The following LEMD1 variants were observed in gnomAD, a reference collection of about 807,000 sequenced individuals.
LEMD1 encodes LEM domain containing 1.
A neutral mutation model predicts 17.4 loss-of-function variants in LEMD1; 18 were observed. That is an observed-to-expected ratio of 1.04 (90% CI 0.72 to 1.54). The LOEUF (loss-of-function observed/expected upper bound fraction) is 1.54, where lower values mean the gene tolerates loss of function less well. LEMD1 is among the 40% of genes most tolerant of loss of function. The pLI is 0.00. For synonymous variants in LEMD1, 88 were observed against 77.8 expected, an observed-to-expected ratio of 1.13 and a Z score of -0.69; for missense variants, 195 against 210.4, an observed-to-expected ratio of 0.93 and a Z score of 0.45.
chr1:205,428,046 G>A (rs1444685798), intron 1 of LEMD1, among the ~76,000 whole-genome samples: 1 of 152,258 alleles, frequency 6.6e-6, no homozygotes, highest in African/African-American at 2.4e-5. Context: ...CAGAGGGCCA[G>A]ACAGCCAAGG....
At chr1:205,396,987 C>T (rs1664619398) in intron 4 of LEMD1, among the ~76,000 whole-genome samples, 1 of 152,046 alleles carries the variant, frequency 6.6e-6, no homozygotes, top group Admixed American at 6.6e-5. Context: ...TTTTTTCCTC[C>T]CCACTTGGGC....
At chr1:205,443,552 C>T (rs1234231181) in intron 1 of LEMD1, among the ~76,000 whole-genome samples, 1 of 152,134 alleles carries the variant, frequency 6.6e-6, no homozygotes, top group Middle Eastern at 3.2e-3. Flanking sequence ...GCCTGGCTCC[C>T]GAGAGGTGTT....
chr1:205,438,861 C>T (rs532354628), intron 1 of LEMD1, among the ~76,000 whole-genome samples: 1 of 152,264 alleles, frequency 6.6e-6, no homozygotes, highest in South Asian at 2.1e-4. Flanking sequence ...ACTGCCAAAC[C>T]CCTGCAGCTG....
intron 1 of LEMD1, among the ~76,000 whole-genome samples, chr1:205,427,389 C>T (rs1666071206): frequency 6.6e-6 from 1 of 151,942 alleles, no homozygotes; most frequent in East Asian, 1.9e-4. Context: ...CATTTGATAT[C>T]ATAGCTCACC....
At chr1:205,436,681 T>A (rs1666213063) in intron 1 of LEMD1, 2 of 152,214 alleles carry the variant, frequency 1.3e-5, no homozygotes, top group Admixed American at 1.3e-4. Flanking sequence ...GAACAGATTC[T>A]GTTTCTTGGT....
At chr1:205,431,702 G>T (rs1348359825) in intron 1 of LEMD1, among the ~76,000 whole-genome samples, 1 of 151,922 alleles carries the variant, frequency 6.6e-6, no homozygotes, top group Non-Finnish European at 1.5e-5. Context: ...AGAACAACAC[G>T]GAAGCTTTTT....
At position 205,406,739 on chromosome 1, in the gene LEMD1, C is replaced by T. The variant is rs561023354; in HGVS notation, c.270+9493G>A. Among the ~76,000 whole-genome samples the T allele has an allele frequency of 2.0e-5, 3 of 152,314 alleles. No individual in the cohort carries two copies. The East Asian group carries it at 5.8e-4, about 29-fold the overall frequency. ...TGTCCTGCGCCCACTGTCTGACACT[C>T]CCCAGTGAGATGAACCTGGTACCTC... is the stretch of plus-strand genomic sequence containing the variant. On this transcript the variant is annotated intron_variant, in intron 4 of 5. Transcript: ENST00000367153.
chr1:205,411,691 G>GAA (rs1665456420), intron 4 of LEMD1, among the ~76,000 whole-genome samples: 1 of 148,094 alleles, frequency 6.8e-6, no homozygotes, highest in Non-Finnish European at 1.5e-5. Flanking sequence ...AAGAAAGAAA[G>GAA]AAAGAAAAAG....
chr1:205,388,023 T>TA (rs1430774778), intron 4 of LEMD1, among the ~76,000 whole-genome samples: 1 of 152,202 alleles, frequency 6.6e-6, no homozygotes, highest in Non-Finnish European at 1.5e-5. Flanking sequence ...ATGGAGCGTT[T>TA]AAGTAGCTTG....
chr1:205,388,637 C>T (rs1425732517), intron 4 of LEMD1, among the ~76,000 whole-genome samples: 1 of 152,236 alleles, frequency 6.6e-6, no homozygotes, highest in East Asian at 1.9e-4. Context: ...CCCAGATATT[C>T]TGGCTCCAAT....
chr1:205,399,251 A>G (rs1270015463), intron 4 of LEMD1, among the ~76,000 whole-genome samples: 2 of 152,052 alleles, frequency 1.3e-5, no homozygotes, highest in African/African-American at 4.8e-5. Flanking sequence ...GAAAATGTAC[A>G]CACAGTGAGG....
intron 4 of LEMD1, among the ~76,000 whole-genome samples, chr1:205,398,405 G>A (rs1014627557): frequency 4.6e-5 from 7 of 152,164 alleles, no homozygotes; most frequent in Non-Finnish European, 8.8e-5. Context: ...TTTGGGGTGG[G>A]CCCTGCACAT....
intron 1 of LEMD1, 89 bp from the exon 2 acceptor site, chr1:205,420,663 A>G (rs1665921160): frequency 2.8e-6 from 2 of 722,406 alleles, no homozygotes; most frequent in East Asian, 5.4e-5. Flanking sequence ...TTATAATCCT[A>G]TCTCCCCAAC....
intron 3 of LEMD1, among the ~76,000 whole-genome samples, chr1:205,417,035 G>C (rs1343800910): frequency 6.6e-6 from 1 of 152,160 alleles, no homozygotes; most frequent in East Asian, 1.9e-4. Context: ...CATGAAAGGA[G>C]AAGGCTAAGT....
At chr1:205,425,314 T>C (rs1365456706), upstream of LEMD1, among the ~76,000 whole-genome samples, 2 of 152,186 alleles carry the variant, frequency 1.3e-5, no homozygotes, top group Admixed American at 1.3e-4. Context: ...TAATCTTTCC[T>C]AGGCTAATAT....
At chr1:205,400,211 G>A (rs1664777081) in intron 4 of LEMD1, among the ~76,000 whole-genome samples, 2 of 152,162 alleles carry the variant, frequency 1.3e-5, no homozygotes, top group South Asian at 4.1e-4. Flanking sequence ...ACGGGCACGT[G>A]CCACCATGCC....
intron 4 of LEMD1, among the ~76,000 whole-genome samples, chr1:205,412,555 G>T (rs1665499888): frequency 1.3e-5 from 2 of 152,200 alleles, no homozygotes; most frequent in South Asian, 4.1e-4. Flanking sequence ...GCACTCAGAA[G>T]ACTGTTAGGT....
chr1:205,389,953 C>T (rs937282572), intron 4 of LEMD1, among the ~76,000 whole-genome samples: 1 of 152,146 alleles, frequency 6.6e-6, no homozygotes, highest in African/African-American at 2.4e-5. Flanking sequence ...GTTCTCTTAA[C>T]CCAAGTAATG....
At chr1:205,402,169 T>C (rs1215758235) in intron 4 of LEMD1, among the ~76,000 whole-genome samples, 1 of 152,210 alleles carries the variant, frequency 6.6e-6, no homozygotes. Context: ...TGGCTTAGGA[T>C]TGACTTGGCG....
Sources: gnomAD v4.1 joint callset for allele counts (sites outside exome capture counted in the v4.1 genomes callset) on GRCh38, gnomAD v4.1.1 for gene constraint, MANE v1.5 for transcripts, NCBI Gene and HGNC (gene_info 2026-07-23, HGNC 2026-07-21) for gene names.